The following KAZN variants were observed in gnomAD, a reference collection of about 807,000 sequenced individuals.
KAZN encodes kazrin, periplakin interacting protein.
A neutral mutation model predicts 87.4 loss-of-function variants in KAZN; 40 were observed. That is an observed-to-expected ratio of 0.46 (90% CI 0.36 to 0.60). The LOEUF (loss-of-function observed/expected upper bound fraction) is 0.60. Ranked by LOEUF, KAZN falls within the 20% of genes least tolerant of loss-of-function variation. The pLI, the probability that KAZN is intolerant of heterozygous loss-of-function variation, is 0.00. For missense variants in KAZN, 898 were observed against 1,073.9 expected, an observed-to-expected ratio of 0.84 and a Z score of 2.29; for synonymous variants, 466 against 458.3, an observed-to-expected ratio of 1.02 and a Z score of -0.22.
intron 2 of KAZN, among the ~76,000 whole-genome samples, chr1:14,308,784 C>CTAAGATT (rs5741581): frequency 0.25 from 37,790 of 151,994 alleles, 4,987 homozygotes; most frequent in Middle Eastern, 0.3. Flanking sequence ...AGCATTCAGT[C>CTAAGATT]ATCAGTATGG....
upstream of KAZN, among the ~76,000 whole-genome samples, chr1:14,595,034 A>T (rs1353031021): frequency 6.6e-6 from 1 of 151,988 alleles, no homozygotes; most frequent in Non-Finnish European, 1.5e-5. Context: ...AACCCCAGCT[A>T]CTCGGGAGGC....
chr1:14,751,439 C>T lies in KAZN; in HGVS notation c.226+152216C>T, dbSNP rs566737432. ...ACATATCTGTAGCACTTACTCAGCG[C>T]TAGGCATTATCCACAGAACTTCTCA... On this transcript the variant is annotated intron_variant, in intron 1 of 14. Coordinates refer to ENST00000376030, the MANE Select transcript of KAZN (RefSeq NM_201628.3). Among the ~76,000 whole-genome samples the T allele has an allele frequency of 3.3e-5, 5 of 152,310 alleles. No individual in the cohort carries two copies. In the East Asian group the frequency reaches 9.6e-4, roughly 29 times the overall value.
chr1:14,409,215 T>TA (rs1463704728), intron 2 of KAZN, among the ~76,000 whole-genome samples: 1 of 152,144 alleles, frequency 6.6e-6, no homozygotes, highest in Non-Finnish European at 1.5e-5. Flanking sequence ...AAAGTTATTC[T>TA]AGGAACCAGA....
chr1:13,950,018 T>C (rs1641285383), intron 1 of KAZN, among the ~76,000 whole-genome samples: 1 of 152,116 alleles, frequency 6.6e-6, no homozygotes, highest in African/African-American at 2.4e-5. Context: ...GTAGGGGCCT[T>C]CCAGATCCCG....
rs1484679433 is a variant in KAZN at position 15,005,048 on chromosome 1, A to G, written c.419-29701A>G. On this transcript the variant is annotated intron_variant, in intron 2 of 14. Coordinates refer to ENST00000376030, the MANE Select transcript of KAZN (RefSeq NM_201628.3). The stretch of plus-strand genomic sequence containing the variant: ...TTTGAGACCTCACAGCCTCATATCC[A>G]TTGGGGAGGATAATATGCAAACCAA... 3.3e-5 allele frequency among the ~76,000 whole-genome samples: 5 copies of G among 152,094 alleles called. 1 individual carries two copies. Among genetic ancestry groups the G allele is most frequent in the Admixed American group, 3.3e-4 (5 of 15,266 alleles).
chr1:14,259,839 T>A (rs1053378227), intron 2 of KAZN, among the ~76,000 whole-genome samples: 1 of 152,192 alleles, frequency 6.6e-6, no homozygotes, highest in Non-Finnish European at 1.5e-5. Context: ...TGACTTTGGG[T>A]GACCTTGTGC....
Position 14,485,666 on chromosome 1 carries a change from G to A in KAZN, c.250-113317G>A, listed in dbSNP as rs142459212. The stretch of plus-strand genomic sequence containing the variant: ...TCCCAGCACGTCGGGAGGCTGAGGC[G>A]GGTGGATCACAAGGTCAGGAGTAAA... On this transcript the variant is annotated intron_variant, in intron 2 of 16. Transcript: ENST00000636203. Among the ~76,000 whole-genome samples the A allele has an allele frequency of 9.7e-3, 1,483 of 152,116 alleles. 15 individuals carry two copies. The highest frequency in any genetic ancestry group is 0.014 in the Admixed American group (211 of 15,284).
chr1:14,489,795 T>C (rs1292375290), intron 2 of KAZN, among the ~76,000 whole-genome samples: 1 of 147,140 alleles, frequency 6.8e-6, no homozygotes, highest in Non-Finnish European at 1.5e-5. Flanking sequence ...TTGAAATCAC[T>C]TTTCAATCAA....
At chr1:14,940,196 T>C (rs1660894898) in intron 1 of KAZN, among the ~76,000 whole-genome samples, 1 of 152,156 alleles carries the variant, frequency 6.6e-6, no homozygotes, top group Non-Finnish European at 1.5e-5. Flanking sequence ...GTGGGAGGAA[T>C]TTAGGGCAAG....
intron 2 of KAZN, among the ~76,000 whole-genome samples, chr1:14,421,318 C>T (rs1431909865): frequency 2.6e-5 from 4 of 152,134 alleles, no homozygotes; most frequent in Non-Finnish European, 5.9e-5. Flanking sequence ...GTTATTGACT[C>T]TGTATTATCT....
At position 13,970,028 on chromosome 1, in the gene KAZN, T is replaced by A. The variant is rs180707783; in HGVS notation, c.91+76272T>A. 3.3e-5 allele frequency among the ~76,000 whole-genome samples: 5 copies of A among 152,332 alleles called. No individual in the cohort carries two copies. In the East Asian group the frequency reaches 9.6e-4, roughly 29 times the overall value. ...AAAAGCAAATGCAAAACTTGGTTTATTTGATGCCCAAATTCATGCTATTTC... is the reference window on the plus strand; with the variant it reads ...AAAAGCAAATGCAAAACTTGGTTTAATTGATGCCCAAATTCATGCTATTTC... On this transcript the variant is annotated intron_variant, in intron 1 of 16. Transcript: ENST00000636203.
At chr1:14,249,440 A>C (rs762802387) in intron 2 of KAZN, among the ~76,000 whole-genome samples, 10 of 152,234 alleles carry the variant, frequency 6.6e-5, no homozygotes, top group Admixed American at 1.3e-4. Context: ...AAATGAATTT[A>C]TCGACCCACA....
chr1:14,882,212 A>G (rs1653413261), intron 1 of KAZN, among the ~76,000 whole-genome samples: 1 of 152,200 alleles, frequency 6.6e-6, no homozygotes, highest in Non-Finnish European at 1.5e-5. Flanking sequence ...ATGCAAATTC[A>G]GGGTTGTTAG....
chr1:14,871,710 T>C (rs1652160959), intron 1 of KAZN, among the ~76,000 whole-genome samples: 3 of 150,546 alleles, frequency 2.0e-5, no homozygotes, highest in Admixed American at 2.0e-4. Context: ...CTTGATGCTG[T>C]GTGGTGTTAA....
At chr1:15,083,142 A>AGTACCAGG (rs1383703836) in intron 8 of KAZN, among the ~76,000 whole-genome samples, 2 of 152,310 alleles carry the variant, frequency 1.3e-5, no homozygotes, top group East Asian at 3.9e-4. Context: ...TTGAGCAGCA[A>AGTACCAGG]GTACCAGGGT....
intron 4 of KAZN, among the ~76,000 whole-genome samples, chr1:15,045,923 G>A (rs1274104406): frequency 6.6e-6 from 1 of 152,140 alleles, no homozygotes; most frequent in Non-Finnish European, 1.5e-5. Flanking sequence ...ATTACAATTC[G>A]AGATGAGATT....
intron 2 of KAZN, among the ~76,000 whole-genome samples, chr1:14,232,192 G>A (rs542886879): frequency 6.6e-6 from 1 of 152,148 alleles, no homozygotes; most frequent in Non-Finnish European, 1.5e-5. Flanking sequence ...TATCACACCA[G>A]GTGACTCTTA....
intron 1 of KAZN, among the ~76,000 whole-genome samples, chr1:14,940,195 A>G (rs1660894612): frequency 6.6e-6 from 1 of 152,184 alleles, no homozygotes. Flanking sequence ...GGTGGGAGGA[A>G]TTTAGGGCAA....
chr1:15,014,829 C>G (rs1669915885), intron 2 of KAZN, among the ~76,000 whole-genome samples: 1 of 152,168 alleles, frequency 6.6e-6, no homozygotes, highest in Non-Finnish European at 1.5e-5. Context: ...GGGGCTGAGG[C>G]CACCTGTCCC....
Sources: gnomAD v4.1 joint callset for allele counts (sites outside exome capture counted in the v4.1 genomes callset) on GRCh38, gnomAD v4.1.1 for gene constraint, MANE v1.5 for transcripts, NCBI Gene and HGNC (gene_info 2026-07-23, HGNC 2026-07-21) for gene names.